Variants in CBLB observed in about 807,000 individuals in gnomAD.
CBLB encodes Cbl proto-oncogene B, also known as E3 ubiquitin-protein ligase CBL-B.
Under a neutral mutation model 104.9 loss-of-function variants are expected in CBLB, and 31 were observed. The observed-to-expected ratio is 0.30, with a 90% CI of 0.22 to 0.40. The LOEUF (loss-of-function observed/expected upper bound fraction) is 0.40. Among genes scored for constraint, CBLB ranks in the 10% least tolerant of loss-of-function variants. CBLB has a pLI of 1.00. For synonymous variants in CBLB, 440 were observed against 422.6 expected (o/e 1.04, Z -0.51); for missense variants, 1,062 against 1,214.6 (o/e 0.87, Z 1.87).
At chr3:105,718,429 T>G (rs558973048) in intron 10 of CBLB, among the ~76,000 whole-genome samples, 1 of 152,158 alleles carries the variant, frequency 6.6e-6, no homozygotes, top group Non-Finnish European at 1.5e-5. Context: ...TTGGTCAGCA[T>G]GGAACATTGG....
At chr3:105,839,689 A>G (rs2089242922) in intron 3 of CBLB, among the ~76,000 whole-genome samples, 2 of 152,278 alleles carry the variant, frequency 1.3e-5, no homozygotes, top group Admixed American at 1.3e-4. Flanking sequence ...GACAGTAAGT[A>G]AATAAATGAG....
chr3:105,682,025 CT>C, intron 14 of CBLB: 2 of 536,330 alleles, frequency 3.7e-6, no homozygotes, highest in Non-Finnish European at 6.6e-6. Flanking sequence ...CACAGTCTCT[CT>C]TTTTTTAAAC....
In CBLB at chr3:105,868,856, C is replaced by T. The variant is rs943048827; in HGVS notation, c.-135G>A. 46 of 1,010,776 alleles carry T rather than the reference C, an allele frequency of 4.6e-5. No individual in the cohort carries two copies. Among genetic ancestry groups the T allele is most frequent in the Non-Finnish European group, 5.4e-5 (46 of 847,244 alleles). The allele number at this position is 1,010,776 out of a possible 1,614,324, so 62.6% of individuals were successfully genotyped here. On this transcript the variant is annotated 5_prime_UTR_variant, in exon 1 of 19. Coordinates refer to ENST00000394030, the MANE Select transcript of CBLB (RefSeq NM_170662.5). ...GGGATCGCTGAGAACAGCTCGCTCC[C>T]GAAGAAGGAGCAACCCAGCGCGCAG...
intron 9 of CBLB, among the ~76,000 whole-genome samples, chr3:105,728,132 C>T (rs1258082513): frequency 6.6e-6 from 1 of 152,078 alleles, no homozygotes; most frequent in Non-Finnish European, 1.5e-5. Context: ...TTACTTTGGG[C>T]ATTTTGGCCA....
intron 2 of CBLB, among the ~76,000 whole-genome samples, chr3:105,862,832 C>T (rs1345957321): frequency 1.3e-5 from 2 of 152,146 alleles, no homozygotes; most frequent in Non-Finnish European, 2.9e-5. Flanking sequence ...TCACTGGACT[C>T]CAACCCATGA....
chr3:105,728,794 AAG>A (rs554049544), intron 9 of CBLB, among the ~76,000 whole-genome samples: 420 of 152,302 alleles, frequency 2.8e-3, no homozygotes, highest in Non-Finnish European at 4.4e-3. Context: ...ATGTTTCAGA[AAG>A]AGAAAAAAGC....
chr3:105,702,285 G>A lies in CBLB; in HGVS notation c.1768C>T (p.Leu590Phe). Residue 590 changes from leucine (L) to phenylalanine (F), a missense_variant, in exon 12 of 19, where the codon CTT becomes TTT. Physicochemically the swap from Leu to Phe is conservative, Grantham distance 22 (BLOSUM62 0). Transcript: ENST00000394030. Reference protein sequence around the residue: ...SVPSRDPPMPLEAWCPRDVFG... With the variant: ...SVPSRDPPMPFEAWCPRDVFG... Reference sequence around the variant, plus strand: ...ACATCCCGAGGGCACCATGCTTCAAGAGGCATTGGCGGGTCTCTGGAAGGC... The same window carrying A: ...ACATCCCGAGGGCACCATGCTTCAAAAGGCATTGGCGGGTCTCTGGAAGGC... The A allele has an allele frequency of 6.2e-7, 1 of 1,613,998 alleles. No individual in the cohort carries two copies. The highest frequency in any genetic ancestry group is 1.1e-5 in the South Asian group (1 of 91,074).
intron 3 of CBLB, among the ~76,000 whole-genome samples, chr3:105,797,115 C>T (rs1018467635): frequency 2.6e-5 from 4 of 152,090 alleles, no homozygotes; most frequent in African/African-American, 4.8e-5. Flanking sequence ...AATCATTCTA[C>T]GATAAAGACA....
chr3:105,848,637 A>G (rs1048936003), intron 3 of CBLB, among the ~76,000 whole-genome samples: 1 of 152,090 alleles, frequency 6.6e-6, no homozygotes, highest in African/African-American at 2.4e-5. Flanking sequence ...ACATTAAAAT[A>G]TGCATTTTGA....
intron 3 of CBLB, among the ~76,000 whole-genome samples, chr3:105,804,198 G>T (rs368494622): frequency 6.6e-6 from 1 of 152,116 alleles, no homozygotes; most frequent in African/African-American, 2.4e-5. Context: ...GGCTATAAAT[G>T]CGGATACACA....
At chr3:105,828,508 TAAGA>T (rs1182484137) in intron 3 of CBLB, among the ~76,000 whole-genome samples, 1 of 152,208 alleles carries the variant, frequency 6.6e-6, no homozygotes, top group Non-Finnish European at 1.5e-5. Context: ...GAGAAAATAT[TAAGA>T]TAGACGCCAA....
rs146232536 is a variant in CBLB, at chr3:105,673,722, A to G, written c.2570-3370T>C. 22 of 152,296 alleles carry G rather than the reference A, an allele frequency of 1.4e-4. 1 individual carries two copies. The highest frequency in any genetic ancestry group is 5.3e-4 in the African/African-American group (22 of 41,574). 9.4% of individuals were successfully genotyped at this position (152,296 alleles called of 1,614,324 possible). On this transcript the variant is annotated intron_variant, in intron 17 of 18. Transcript: ENST00000394030. Reference sequence around the variant, plus strand: ...AACTCACTACACTCAAGGTAGAACAATTCGTAATGATTTAGGAAACTTCTT... The same window carrying G: ...AACTCACTACACTCAAGGTAGAACAGTTCGTAATGATTTAGGAAACTTCTT...
rs1011844311 is a variant in CBLB, at chr3:105,722,665, C to G, written c.1204-2415G>C. 5.9e-5 allele frequency among the ~76,000 whole-genome samples: 9 copies of G among 152,276 alleles called. No homozygotes were observed. In the East Asian group the frequency reaches 1.3e-3, roughly 23 times the overall value. On this transcript the variant is annotated intron_variant, in intron 9 of 18. Coordinates refer to ENST00000394030, the MANE Select transcript of CBLB (RefSeq NM_170662.5). ...ATGTGCAAGCCACACTATTAGGCTA[C>G]GTAAGTTTCTCTTTGAACCTCCAGG...
intron 18 of CBLB, 84 bp from the exon 19 acceptor site, chr3:105,659,313 C>T: frequency 7.6e-7 from 1 of 1,311,318 alleles, no homozygotes; most frequent in Non-Finnish European, 1.1e-6. Context: ...TATCTCATTT[C>T]CTATGGAAAT....
rs993380371 is a variant in CBLB at position 105,669,157 on chromosome 3, G to T, written c.2689+1076C>A. 3.9e-5 allele frequency among the ~76,000 whole-genome samples: 6 copies of T among 152,022 alleles called. 1 individual carries two copies. The South Asian group carries it at 1.2e-3, about 32-fold the overall frequency. ...CTGGGCACTATGTTGGACACTTGAG[G>T]ATAAAGCAATGCTATGGACTGAATG... On this transcript the variant is annotated intron_variant, in intron 18 of 18. Transcript: ENST00000394030.
At chr3:105,708,478 G>C (rs112928156) in intron 10 of CBLB, among the ~76,000 whole-genome samples, 194 of 152,156 alleles carry the variant, frequency 1.3e-3, no homozygotes, top group Admixed American at 2.9e-3. Context: ...GGATACTCTT[G>C]ATTAGAAAAT....
chr3:105,695,641 C>G (rs2068271031), intron 12 of CBLB, among the ~76,000 whole-genome samples: 1 of 151,758 alleles, frequency 6.6e-6, no homozygotes, highest in South Asian at 2.1e-4. Context: ...GTCACTTTTT[C>G]TAACTGTTTC....
chr3:105,724,530 T>C (rs2073329876), intron 9 of CBLB, among the ~76,000 whole-genome samples: 3 of 152,248 alleles, frequency 2.0e-5, no homozygotes, highest in Non-Finnish European at 4.4e-5. Context: ...TGAGATAAAT[T>C]AGTTTAAAGC....
At chr3:105,806,575 C>A (rs2083532387) in intron 3 of CBLB, among the ~76,000 whole-genome samples, 1 of 150,860 alleles carries the variant, frequency 6.6e-6, no homozygotes, top group African/African-American at 2.4e-5. Context: ...TGAGTCATAA[C>A]CCCCCAGTAA....
Sources: allele counts gnomAD v4.1 joint callset (sites outside exome capture counted in the v4.1 genomes callset), GRCh38; gene constraint gnomAD v4.1.1; transcripts MANE v1.5; gene names NCBI Gene and HGNC (gene_info 2026-07-23, HGNC 2026-07-21).